The following JADE3 variants were observed in gnomAD, a reference collection of about 807,000 sequenced individuals.
JADE3 encodes protein Jade-3.
Under a neutral mutation model 50.1 loss-of-function variants are expected in JADE3, and 2 were observed. That is an observed-to-expected ratio of 0.04 (90% CI 0.02 to 0.13). The LOEUF is 0.13. Ranked by LOEUF, JADE3 falls within the 10% of genes least tolerant of loss-of-function variation. The pLI is 1.00. For missense variants in JADE3, 475 were observed against 634.4 expected (o/e 0.75, Z 2.70); for synonymous variants, 218 against 232.9 (o/e 0.94, Z 0.58).
chrX:47,018,846 A>C (rs1556363672), intron 4 of JADE3, among the ~76,000 whole-genome samples: 2 of 111,372 alleles, frequency 1.8e-5, no homozygotes, highest in African/African-American at 6.5e-5. Context: ...CTCATCAAGG[A>C]AGACAAAGTT....
chrX:47,035,945 C>G (rs1251617338), intron 7 of JADE3, among the ~76,000 whole-genome samples: 3 of 110,890 alleles, frequency 2.7e-5, no homozygotes, highest in African/African-American at 9.9e-5. Flanking sequence ...GAGTTTGAGA[C>G]CAGCCTGGGC....
chrX:47,011,335 C>T (rs1330757675), intron 4 of JADE3, among the ~76,000 whole-genome samples: 2 of 112,316 alleles, frequency 1.8e-5, no homozygotes, highest in Admixed American at 1.9e-4. Flanking sequence ...CTTTTATGAC[C>T]AAATAATATT....
chrX:47,039,388 T>C (rs1556369057), intron 8 of JADE3, among the ~76,000 whole-genome samples: 1 of 86,469 alleles, frequency 1.2e-5, no homozygotes, highest in African/African-American at 7.2e-5. Flanking sequence ...CAGGCCCATG[T>C]TCTTTTTTTT....
At chrX:47,016,638 A>G (rs1671394044) in intron 4 of JADE3, among the ~76,000 whole-genome samples, 1 of 110,158 alleles carries the variant, frequency 9.1e-6, no homozygotes, top group Admixed American at 9.7e-5. Flanking sequence ...ATATCAAAGG[A>G]TTTGTGGCCG....
chrX:46,916,671 A>G (rs1262931517), intron 1 of JADE3, among the ~76,000 whole-genome samples: 1 of 112,366 alleles, frequency 8.9e-6, no homozygotes, highest in Non-Finnish European at 1.9e-5. Context: ...CAACAATAAT[A>G]TATTCTCCAA....
At chrX:46,991,566 T>C (rs1928008044) in intron 3 of JADE3, among the ~76,000 whole-genome samples, 1 of 111,813 alleles carries the variant, frequency 8.9e-6, no homozygotes, top group Non-Finnish European at 1.9e-5. Flanking sequence ...GTCTTGACTA[T>C]ACACATAGGA....
chrX:47,012,363 C>A (rs1177975124), intron 4 of JADE3, among the ~76,000 whole-genome samples: 2 of 110,918 alleles, frequency 1.8e-5, no homozygotes, highest in African/African-American at 6.6e-5. Context: ...GGGAGGATGG[C>A]TTGAAACCAG....
chrX:46,961,826 T>C (rs1927266633), intron 1 of JADE3, among the ~76,000 whole-genome samples: 1 of 112,275 alleles, frequency 8.9e-6, no homozygotes, highest in South Asian at 3.7e-4. Flanking sequence ...GCTGAAATTA[T>C]GTATGCAGTG....
intron 8 of JADE3, among the ~76,000 whole-genome samples, chrX:47,053,591 G>T (rs1929568054): frequency 8.9e-6 from 1 of 112,266 alleles, no homozygotes; most frequent in African/African-American, 3.2e-5. Flanking sequence ...AAAAATTCAA[G>T]AAGTTAGGTT....
At chrX:46,998,013 CT>C (rs1928172470) in intron 3 of JADE3, 106 bp from the exon 4 acceptor site, 1 of 617,950 alleles carries the variant, frequency 1.6e-6, no homozygotes, top group South Asian at 4.1e-5. Flanking sequence ...AGATGTTTCT[CT>C]TGTTGGAAGC....
At chrX:46,941,696 A>G (rs1602377790) in intron 1 of JADE3, among the ~76,000 whole-genome samples, 1 of 106,822 alleles carries the variant, frequency 9.4e-6, no homozygotes, top group Admixed American at 1.0e-4. Context: ...GGCCACTTGT[A>G]TATGACTTCT....
chrX:47,048,811 A>G (rs1191787303), intron 8 of JADE3, among the ~76,000 whole-genome samples: 4 of 111,506 alleles, frequency 3.6e-5, no homozygotes, highest in Non-Finnish European at 7.5e-5. Context: ...TACACATTAA[A>G]CTGGTGAACT....
chrX:46,912,538 G>A lies in JADE3; in HGVS notation c.-193G>A, dbSNP rs1448606224. ...GACGAGGGCCGAGGGCGGGAGCTGAGGCGCGGGGGGCGGCCCCGGCGGGGG... is the reference window on the plus strand; with the variant it reads ...GACGAGGGCCGAGGGCGGGAGCTGAAGCGCGGGGGGCGGCCCCGGCGGGGG... On this transcript the variant is annotated 5_prime_UTR_variant, in exon 1 of 11. Transcript: ENST00000614628. 8.9e-6 allele frequency: 1 copy of A among 111,807 alleles called. No individual in the cohort carries two copies. Among genetic ancestry groups the A allele is most frequent in the African/African-American group, 3.2e-5 (1 of 31,019 alleles). 9.2% of individuals were successfully genotyped at this position (111,807 alleles called of 1,213,427 possible).
At chrX:47,014,631 A>C (rs1928634591) in intron 4 of JADE3, among the ~76,000 whole-genome samples, 1 of 111,493 alleles carries the variant, frequency 9.0e-6, no homozygotes, top group Non-Finnish European at 1.9e-5. Flanking sequence ...AGTTAGTATG[A>C]ATTTATTTTT....
At position 47,060,242 on chromosome X, in the gene JADE3, G is replaced by C. The variant is rs781913242; in HGVS notation, c.*1165G>C. The C allele has an allele frequency of 7.8e-5, 8 of 102,581 alleles. No homozygotes were observed. The highest frequency in any genetic ancestry group is 2.2e-4 in the Admixed American group (2 of 9,180). 8.5% of individuals were successfully genotyped at this position (102,581 alleles called of 1,213,427 possible). On this transcript the variant is annotated 3_prime_UTR_variant, in exon 11 of 11. Coordinates refer to ENST00000614628, the MANE Select transcript of JADE3 (RefSeq NM_014735.5). ...GAAGAGAATAATTACATTTGCGGGGGGGGGGGTGGATAAAAACATGTCTGC... is the reference window on the plus strand; with the variant it reads ...GAAGAGAATAATTACATTTGCGGGGCGGGGGGTGGATAAAAACATGTCTGC...
chrX:46,972,972 A>G (rs1002972547), intron 1 of JADE3, among the ~76,000 whole-genome samples: 4 of 112,409 alleles, frequency 3.6e-5, no homozygotes, highest in Admixed American at 1.9e-4. Flanking sequence ...TCATGCTACA[A>G]TGGCAGATTT....
chrX:47,058,225 C>T lies in JADE3; in HGVS notation c.1620C>T (p.Thr540=), dbSNP rs1556373779. ...TGTTTTACCCACCACCAAGAATTAC[C>T]TTGAAGTTAAAAATGCCCAAATCAA... ...NSLFYPPPRI[T]LKLKMPKSTP... is the part of the protein sequence containing the mutation. The change falls in exon 11 of 11, where the codon ACC becomes ACT. Residue 540 remains threonine, a synonymous_variant. Coordinates refer to ENST00000614628, the MANE Select transcript of JADE3 (RefSeq NM_014735.5). The T allele has an allele frequency of 1.7e-6, 2 of 1,208,244 alleles. No individual in the cohort carries two copies.
chrX:47,005,232 A>G (rs73630249), intron 4 of JADE3, among the ~76,000 whole-genome samples: 6,547 of 110,981 alleles, frequency 0.059, 473 homozygotes, highest in African/African-American at 0.2. Flanking sequence ...TCAGACAGGA[A>G]ACCTTTTTTT....
intron 1 of JADE3, among the ~76,000 whole-genome samples, chrX:46,917,799 G>GTCTCTCTCTC (rs57067547): frequency 9.6e-5 from 6 of 62,486 alleles, no homozygotes; most frequent in African/African-American, 2.8e-4. Flanking sequence ...TGGGAGGTCT[G>GTCTCTCTCTC]TCTCTCTCTC....
Sources: gnomAD v4.1 joint callset for allele counts (sites outside exome capture counted in the v4.1 genomes callset) on GRCh38, gnomAD v4.1.1 for gene constraint, MANE v1.5 for transcripts, NCBI Gene and HGNC (gene_info 2026-07-23, HGNC 2026-07-21) for gene names.